FBXL17: variants seen among roughly 807,000 people sequenced by gnomAD.
FBXL17 encodes the protein F-box and leucine rich repeat protein 17, also known as F-box/LRR-repeat protein 17.
Under a neutral mutation model 66.2 loss-of-function variants are expected in FBXL17, and 22 were observed. The ratio of observed to expected loss-of-function variants is 0.33; its 90% CI spans 0.24 to 0.47. The LOEUF (loss-of-function observed/expected upper bound fraction) is 0.47, where lower values mean the gene tolerates loss of function less well. Among genes scored for constraint, FBXL17 ranks in the 20% least tolerant of loss-of-function variants. The pLI is 1.00. For missense variants in FBXL17, 878 were observed against 948.2 expected (o/e 0.93, Z 0.97); for synonymous variants, 474 against 400.5 (o/e 1.18, Z -2.19).
chr5:108,339,861 C>T (rs1746759147), intron 4 of FBXL17, among the ~76,000 whole-genome samples: 1 of 151,962 alleles, frequency 6.6e-6, no homozygotes, highest in African/African-American at 2.4e-5. Flanking sequence ...TGCATTTGGC[C>T]ATCTCCTATC....
chr5:107,870,148 G>A (rs564820342), intron 8 of FBXL17, among the ~76,000 whole-genome samples: 2 of 152,222 alleles, frequency 1.3e-5, no homozygotes, highest in East Asian at 3.9e-4. Context: ...CATAGATCAG[G>A]TGAGAACTAC....
At chr5:108,231,755 C>T (rs1034556815) in intron 4 of FBXL17, among the ~76,000 whole-genome samples, 2 of 152,088 alleles carry the variant, frequency 1.3e-5, no homozygotes, top group African/African-American at 2.4e-5. Context: ...ACAGGACTAT[C>T]AAGATGAACT....
chr5:108,271,893 A>G (rs1757284890), intron 4 of FBXL17, among the ~76,000 whole-genome samples: 1 of 152,180 alleles, frequency 6.6e-6, no homozygotes, highest in African/African-American at 2.4e-5. Context: ...TTCTTCATCT[A>G]TAAAATGAGG....
rs1463709054 is a variant in FBXL17, at chr5:108,290,002, G to C, written c.1506+58397C>G. ...AATGCTATGCAGATTCATAGGGAGA[G>C]AATCTACTTTCAGATAAGAGAAACC... On this transcript the variant is annotated intron_variant, in intron 4 of 8. Coordinates refer to ENST00000542267, the MANE Select transcript of FBXL17 (RefSeq NM_001163315.3). 5.3e-5 allele frequency among the ~76,000 whole-genome samples: 8 copies of C among 152,270 alleles called. No homozygotes were observed. The East Asian group carries it at 1.5e-3, about 29-fold the overall frequency.
intron 7 of FBXL17, among the ~76,000 whole-genome samples, chr5:107,929,693 C>T (rs1322253719): frequency 6.6e-6 from 1 of 151,784 alleles, no homozygotes; most frequent in Non-Finnish European, 1.5e-5. Flanking sequence ...CCAGAGGACC[C>T]CATAATGTGT....
At chr5:108,125,887 T>C (rs1057119141) in intron 6 of FBXL17, among the ~76,000 whole-genome samples, 10 of 152,142 alleles carry the variant, frequency 6.6e-5, no homozygotes, top group African/African-American at 2.4e-4. Flanking sequence ...TAGTCGTATA[T>C]GCCCTTCTAT....
At chr5:108,019,208 C>T (rs958300326) in intron 7 of FBXL17, among the ~76,000 whole-genome samples, 9 of 152,240 alleles carry the variant, frequency 5.9e-5, no homozygotes, top group African/African-American at 2.2e-4. Flanking sequence ...CATTTTACAA[C>T]TGAGGAAATG....
chr5:108,338,766 C>G (rs551116493), intron 4 of FBXL17, among the ~76,000 whole-genome samples: 1 of 152,128 alleles, frequency 6.6e-6, no homozygotes, highest in Non-Finnish European at 1.5e-5. Flanking sequence ...AAAGAATCCA[C>G]CCCAAAACTC....
At chr5:108,000,318 T>C (rs948274502) in intron 7 of FBXL17, among the ~76,000 whole-genome samples, 17 of 152,182 alleles carry the variant, frequency 1.1e-4, no homozygotes, top group Admixed American at 7.9e-4. Flanking sequence ...AAGGTGAAAA[T>C]AGAAAGATGT....
At chr5:108,204,339 C>T (rs1027492289) in intron 5 of FBXL17, among the ~76,000 whole-genome samples, 3 of 151,998 alleles carry the variant, frequency 2.0e-5, no homozygotes, top group African/African-American at 7.2e-5. Context: ...TACAGGCATA[C>T]ACCACCAAAC....
chr5:108,299,538 T>A, intron 4 of FBXL17: 1 of 958,374 alleles, frequency 1.0e-6, no homozygotes, highest in Non-Finnish European at 1.2e-6. Flanking sequence ...ATATAATCCT[T>A]CAATTTTAGA....
At chr5:107,976,419 A>G (rs1752584251) in intron 7 of FBXL17, among the ~76,000 whole-genome samples, 1 of 152,208 alleles carries the variant, frequency 6.6e-6, no homozygotes, top group Admixed American at 6.5e-5. Context: ...TTAATTTTAT[A>G]TAGACTTAGA....
chr5:108,101,548 C>A (rs1207076752), intron 6 of FBXL17, among the ~76,000 whole-genome samples: 1 of 152,240 alleles, frequency 6.6e-6, no homozygotes, highest in African/African-American at 2.4e-5. Flanking sequence ...CAGTTCTCAG[C>A]TAATTCCTCT....
intron 4 of FBXL17, among the ~76,000 whole-genome samples, chr5:108,337,456 G>A (rs893349688): frequency 6.6e-6 from 1 of 151,870 alleles, no homozygotes; most frequent in South Asian, 2.1e-4. Flanking sequence ...GTATGCAAAC[G>A]ATCTCATTCT....
At chr5:107,992,964 C>T (rs1753316725) in intron 7 of FBXL17, among the ~76,000 whole-genome samples, 1 of 151,974 alleles carries the variant, frequency 6.6e-6, no homozygotes, top group South Asian at 2.1e-4. Context: ...GGCGCGATCT[C>T]GGCTCACTGC....
At chr5:108,065,969 C>T (rs1292586003) in intron 6 of FBXL17, among the ~76,000 whole-genome samples, 1 of 151,994 alleles carries the variant, frequency 6.6e-6, no homozygotes, top group Non-Finnish European at 1.5e-5. Flanking sequence ...TACATGAGTA[C>T]CTGGGGAAGG....
chr5:107,957,587 C>A (rs144321512), intron 7 of FBXL17, among the ~76,000 whole-genome samples: 1 of 152,068 alleles, frequency 6.6e-6, no homozygotes, highest in African/African-American at 2.4e-5. Context: ...ATGACATATG[C>A]GTTCTAAATT....
At chr5:108,132,867 A>G (rs1228179135) in intron 6 of FBXL17, among the ~76,000 whole-genome samples, 1 of 152,202 alleles carries the variant, frequency 6.6e-6, no homozygotes, top group African/African-American at 2.4e-5. Flanking sequence ...AATATGCATA[A>G]GAACATCTCC....
chr5:108,322,409 G>A (rs1759660901), intron 4 of FBXL17, among the ~76,000 whole-genome samples: 1 of 151,754 alleles, frequency 6.6e-6, no homozygotes, highest in Non-Finnish European at 1.5e-5. Context: ...GTTAAGTGCG[G>A]GGGAAAAAAG....
Sources: allele counts gnomAD v4.1 joint callset (sites outside exome capture counted in the v4.1 genomes callset), GRCh38; gene constraint gnomAD v4.1.1; transcripts MANE v1.5; gene names NCBI Gene and HGNC (gene_info 2026-07-23, HGNC 2026-07-21).